Variants in DMXL1 observed in about 807,000 individuals in gnomAD.
DMXL1 encodes Dmx like 1, also known as dmX-like protein 1.
Under a neutral mutation model 319.2 loss-of-function variants are expected in DMXL1, and 99 were observed. The observed-to-expected ratio is 0.31, with a 90% CI of 0.26 to 0.37. The LOEUF is 0.37. Ranked by LOEUF, DMXL1 falls within the 10% of genes least tolerant of loss-of-function variation. The pLI is 1.00. For synonymous variants in DMXL1, 1,385 were observed against 1,235.2 expected (o/e 1.12, Z -2.54); for missense variants, 3,745 against 3,595.6 (o/e 1.04, Z -1.06).
chr5:119,171,976 A>G lies in DMXL1; in HGVS notation c.6681+7A>G. ...TGATATCCAAAGCAATAAAGTAAGTATGCTTGGTTTCAAGCTTTTACTTCA... is the reference window on the plus strand; with the variant it reads ...TGATATCCAAAGCAATAAAGTAAGTGTGCTTGGTTTCAAGCTTTTACTTCA... On this transcript the variant is annotated splice_region_variant and intron_variant, in intron 25 of 43. Coordinates refer to ENST00000539542, the MANE Select transcript of DMXL1 (RefSeq NM_001290321.3). The G allele has an allele frequency of 1.2e-6, 2 of 1,602,416 alleles. No individual in the cohort carries two copies. The highest frequency in any genetic ancestry group is 1.3e-5 in the African/African-American group (1 of 74,606).
At chr5:119,186,744 T>G (rs1777791624) in intron 28 of DMXL1, among the ~76,000 whole-genome samples, 1 of 152,198 alleles carries the variant, frequency 6.6e-6, no homozygotes, top group Non-Finnish European at 1.5e-5. Flanking sequence ...CATTTCTGTT[T>G]TGGGTTCTTT....
intron 23 of DMXL1, among the ~76,000 whole-genome samples, chr5:119,169,108 T>G (rs1774035600): frequency 6.6e-6 from 1 of 152,030 alleles, no homozygotes; most frequent in Non-Finnish European, 1.5e-5. Context: ...TTCACCATGT[T>G]GCCCAGGGTG....
chr5:119,247,476 A>G lies in DMXL1; in HGVS notation c.*257A>G, dbSNP rs891424490. On this transcript the variant is annotated 3_prime_UTR_variant, in exon 44 of 44. Coordinates refer to ENST00000539542, the MANE Select transcript of DMXL1 (RefSeq NM_001290321.3). ...CATAGTATATTATAATCAGTATGTCATAGTGTTAAAGGTGTTTTGTTTTCT... is the reference window on the plus strand; with the variant it reads ...CATAGTATATTATAATCAGTATGTCGTAGTGTTAAAGGTGTTTTGTTTTCT... 5 of 256,448 alleles carry G rather than the reference A, an allele frequency of 1.9e-5. No individual in the cohort carries two copies. The highest frequency in any genetic ancestry group is 3.8e-5 in the Non-Finnish European group (5 of 132,678). The allele number at this position is 256,448 out of a possible 1,614,324, so 15.9% of individuals were successfully genotyped here.
intron 38 of DMXL1, among the ~76,000 whole-genome samples, chr5:119,233,127 A>G (rs754083562): frequency 2.0e-5 from 3 of 152,262 alleles, no homozygotes; most frequent in Admixed American, 6.5e-5. Context: ...AAATGCTCCT[A>G]TCGTATTTGA....
chr5:119,219,874 T>C (rs1784357919), intron 35 of DMXL1, among the ~76,000 whole-genome samples: 1 of 152,134 alleles, frequency 6.6e-6, no homozygotes, highest in African/African-American at 2.4e-5. Context: ...AGCCAAGATG[T>C]ACATTTTTGA....
At chr5:119,085,024 A>T (rs936204656) in intron 1 of DMXL1, among the ~76,000 whole-genome samples, 2 of 151,474 alleles carry the variant, frequency 1.3e-5, no homozygotes, top group Admixed American at 6.6e-5. Flanking sequence ...CAAATCTTTC[A>T]CTTCTTTGGT....
chr5:119,193,373 C>T (rs762460155), intron 29 of DMXL1, among the ~76,000 whole-genome samples: 1 of 152,126 alleles, frequency 6.6e-6, no homozygotes, highest in Non-Finnish European at 1.5e-5. Flanking sequence ...CTTTTCTTCC[C>T]TCTTATTATA....
chr5:119,089,277 CATATATATAT>C (rs1311893867), intron 1 of DMXL1, among the ~76,000 whole-genome samples: 1 of 31,492 alleles, frequency 3.2e-5, no homozygotes, highest in African/African-American at 1.2e-4. Flanking sequence ...TATATATATA[CATATATATAT>C]ATATATTTTT....
intron 13 of DMXL1, among the ~76,000 whole-genome samples, chr5:119,140,284 A>G (rs1045636476): frequency 6.6e-6 from 1 of 152,210 alleles, no homozygotes; most frequent in Admixed American, 6.5e-5. Flanking sequence ...AGATGAACTG[A>G]AGGAAATCGA....
At chr5:119,075,097 T>TG (rs1411539595) in intron 1 of DMXL1, among the ~76,000 whole-genome samples, 1 of 152,168 alleles carries the variant, frequency 6.6e-6, no homozygotes, top group Non-Finnish European at 1.5e-5. Context: ...CAATAGAAAG[T>TG]ACTTCATAAA....
chr5:119,239,180 A>C (rs1788303877), intron 41 of DMXL1, 100 bp downstream of exon 41: 2 of 1,217,650 alleles, frequency 1.6e-6, no homozygotes, highest in Non-Finnish European at 2.3e-6. Context: ...TTATGGCTTT[A>C]GATACAGTAT....
chr5:119,143,191 C>T (rs1343263588), intron 13 of DMXL1, among the ~76,000 whole-genome samples: 1 of 151,864 alleles, frequency 6.6e-6, no homozygotes, highest in Non-Finnish European at 1.5e-5. Flanking sequence ...GAGTTTAGCA[C>T]ACGTACTCCC....
Position 119,097,893 on chromosome 5 carries a change from C to T in DMXL1, c.88-86C>T. On this transcript the variant is annotated intron_variant, in intron 1 of 43. Transcript: ENST00000539542. The stretch of plus-strand genomic sequence containing the variant: ...CTTTTAAAACATTTATTCTCCCTGC[C>T]TTAAAACATGATAGTTAATACTAGT... 3.3e-6 allele frequency: 4 copies of T among 1,194,542 alleles called. No individual in the cohort carries two copies. The South Asian group carries it at 4.5e-5, about 13-fold the overall frequency. The allele number at this position is 1,194,542 out of a possible 1,614,324, so 74.0% of individuals were successfully genotyped here. A position where few individuals can be genotyped will look rare whatever the true frequency, so the allele number is the denominator to read the frequency against.
intron 15 of DMXL1, among the ~76,000 whole-genome samples, chr5:119,145,603 C>A (rs576454737): frequency 1.6e-3 from 243 of 151,824 alleles, no homozygotes; most frequent in African/African-American, 5.3e-3. Context: ...ATTTAAGTCT[C>A]TTTAAAACTT....
At chr5:119,081,857 C>G (rs989725631) in intron 1 of DMXL1, among the ~76,000 whole-genome samples, 1 of 151,854 alleles carries the variant, frequency 6.6e-6, no homozygotes, top group Non-Finnish European at 1.5e-5. Flanking sequence ...GTTTTTACTG[C>G]ATTTGGGGTC....
intron 34 of DMXL1, among the ~76,000 whole-genome samples, chr5:119,214,419 TTA>T (rs1783324497): frequency 6.6e-6 from 1 of 152,196 alleles, no homozygotes; most frequent in African/African-American, 2.4e-5. Flanking sequence ...CTCAAACCCT[TTA>T]TGTTTTATCT....
Position 119,178,014 on chromosome 5 carries a change from G to C in DMXL1, c.6905G>C (p.Arg2302Pro). The C allele has an allele frequency of 2.5e-6, 4 of 1,604,414 alleles. No homozygotes were observed. The highest frequency in any genetic ancestry group is 3.4e-6 in the Non-Finnish European group (4 of 1,174,684). ...GTTCTAGGAATAACTTGTCTAATTC[G>C]ACTTTTGAATTCTTCTGGCGAGGAA... is the stretch of plus-strand genomic sequence containing the variant. Reference protein sequence around the residue: ...AQWPGITCLIRLLNSSGEEAQ... With the variant: ...AQWPGITCLIPLLNSSGEEAQ... Residue 2302 changes from arginine (R) to proline (P), a missense_variant, in exon 28 of 44, where the codon CGA (arginine) becomes CCA (proline). This residue lies in a region of DMXL1 where 1,382 missense variants were observed against 1,269.5 expected (regional missense o/e 1.09). Coordinates refer to ENST00000539542, the MANE Select transcript of DMXL1 (RefSeq NM_001290321.3).
At chr5:119,111,516 C>T (rs952238433) in intron 5 of DMXL1, among the ~76,000 whole-genome samples, 2 of 152,074 alleles carry the variant, frequency 1.3e-5, no homozygotes, top group African/African-American at 4.8e-5. Flanking sequence ...TAACATTTGT[C>T]ATTTATGTTA....
intron 2 of DMXL1, among the ~76,000 whole-genome samples, chr5:119,100,177 G>A: frequency 6.6e-6 from 1 of 152,110 alleles, no homozygotes; most frequent in African/African-American, 2.4e-5. Context: ...ATTTAAGAAG[G>A]AAATGTTCTT....
Sources: allele counts gnomAD v4.1 joint callset (sites outside exome capture counted in the v4.1 genomes callset), GRCh38; gene constraint gnomAD v4.1.1; regional missense constraint gnomAD v4.1.1; transcripts MANE v1.5; gene names NCBI Gene and HGNC (gene_info 2026-07-23, HGNC 2026-07-21).